JAG2: variants seen among roughly 807,000 people sequenced by gnomAD.
JAG2 encodes the protein jagged canonical Notch ligand 2, also known as protein jagged-2.
A neutral mutation model predicts 141.7 loss-of-function variants in JAG2; 46 were observed. The observed-to-expected ratio is 0.32, with a 90% CI of 0.26 to 0.42. The LOEUF is 0.42. JAG2 is among the 10% of genes least tolerant of loss of function. The probability of loss-of-function intolerance (pLI) is 1.00; values close to 1 mark genes in which losing one functional copy is unlikely to be tolerated. For missense variants in JAG2, 1,500 were observed against 1,817.5 expected (o/e 0.83, Z 3.18); for synonymous variants, 862 against 763.5 (o/e 1.13, Z -2.13).
In JAG2 at chr14:105,152,161, C is replaced by T; in HGVS notation, c.919G>A (p.Asp307Asn). Residue 307 changes from aspartate to asparagine, a missense_variant and splice_region_variant, in exon 6 of 26, where the codon GAC (aspartate) becomes AAC (asparagine). This residue lies in a region of JAG2 where 875 missense variants were observed against 1,202.2 expected (regional missense o/e 0.73). Coordinates refer to ENST00000331782, the MANE Select transcript of JAG2 (RefSeq NM_002226.5). ...TAGGCCTGCCGCCCCCTACCACTAC[C>T]TTTGTCACAGAGCAGGCCGCCCCAG... The part of the protein sequence containing the change: ...TNWGGLLCDK[D>N]LNYCGSHHPC... The T allele has an allele frequency of 1.2e-6, 2 of 1,613,772 alleles. No homozygotes were observed. The highest frequency in any genetic ancestry group is 1.7e-6 in the Non-Finnish European group (2 of 1,180,014).
At position 105,146,295 on chromosome 14, in the gene JAG2, C is replaced by T. The variant is rs1888220653; in HGVS notation, c.2709+90G>A. On this transcript the variant is annotated intron_variant, in intron 22 of 25. Coordinates refer to ENST00000331782, the MANE Select transcript of JAG2 (RefSeq NM_002226.5). ...CAGACGGCTCTCAGTCCATCCGGAC[C>T]CCAGCACCCGCCTCCTGATCTCACA... 3.4e-6 allele frequency: 4 copies of T among 1,188,430 alleles called. No individual in the cohort carries two copies. In the African/African-American group the frequency reaches 4.5e-5, roughly 13 times the overall value. The allele number at this position is 1,188,430 out of a possible 1,614,324, so 73.6% of individuals were successfully genotyped here. A position where few individuals can be genotyped will look rare whatever the true frequency, so the allele number is the denominator to read the frequency against.
intron 2 of JAG2, among the ~76,000 whole-genome samples, chr14:105,158,254 G>C (rs1045915120): frequency 6.6e-6 from 1 of 152,128 alleles, no homozygotes; most frequent in African/African-American, 2.4e-5. Flanking sequence ...CCAAGTGCAC[G>C]GGGTGGCCAA....
Position 105,152,061 on chromosome 14 carries a change from G to A in JAG2, c.920-4C>T. The A allele has an allele frequency of 6.2e-7, 1 of 1,613,230 alleles. No individual in the cohort carries two copies. The highest frequency in any genetic ancestry group is 8.5e-7 in the Non-Finnish European group (1 of 1,179,940). ...TGGCTGCCACAGTAGTTCAGGTCTG[G>A]GGGCAGGGGTGGGATGCTCAGGGGA... On this transcript the variant is annotated splice_polypyrimidine_tract_variant and splice_region_variant and intron_variant, in intron 6 of 25. Transcript: ENST00000331782.
At chr14:105,157,048 A>G (rs587655473) in intron 3 of JAG2, among the ~76,000 whole-genome samples, 1 of 151,930 alleles carries the variant, frequency 6.6e-6, no homozygotes, top group South Asian at 2.1e-4. Flanking sequence ...TCACCCCCAG[A>G]CTGCCCCTGG....
In JAG2 at chr14:105,167,804, C is replaced by G. The variant is rs895046261; in HGVS notation, c.370G>C (p.Asp124His). The change falls in exon 2 of 26, where the codon GAC becomes CAC. Residue 124 changes from aspartate (D) to histidine (H), a missense_variant. Coordinates refer to ENST00000331782, the MANE Select transcript of JAG2 (RefSeq NM_002226.5). This position sits in a 1 kb window ranked among gnomAD's most constrained non-coding sequence, Gnocchi z 4.8. Reference sequence around the variant, plus strand: ...ATGACGACGAGGCCCGGGTCCTGGTCGCCGCCGGCCCGGGCCCGCGCCCGC... The same window carrying G: ...ATGACGACGAGGCCCGGGTCCTGGTGGCCGCCGGCCCGGGCCCGCGCCCGC... ...RARARARAGG[D>H]QDPGLVVIPF... 7 of 1,464,188 alleles carry G rather than the reference C, an allele frequency of 4.8e-6. No homozygotes were observed. In the African/African-American group the frequency reaches 1.0e-4, roughly 22 times the overall value. 90.7% of individuals were successfully genotyped at this position (1,464,188 alleles called of 1,614,324 possible). A position where few individuals can be genotyped will look rare whatever the true frequency, so the allele number is the denominator to read the frequency against.
rs976907227 is a variant in JAG2, at chr14:105,154,593, C to G, written c.788+969G>C. ...CCCCGGACACTCCCTTGTGGAGGCC[C>G]TTGCTGACTCCTCATCCATCCGCCC... On this transcript the variant is annotated intron_variant, in intron 5 of 25. Transcript: ENST00000331782. This position sits in a 1 kb window ranked among gnomAD's most constrained non-coding sequence, Gnocchi z 4.4. Among the ~76,000 whole-genome samples the G allele has an allele frequency of 2.0e-5, 3 of 152,164 alleles. No homozygotes were observed. Among genetic ancestry groups the G allele is most frequent in the Non-Finnish European group, 4.4e-5 (3 of 68,014 alleles).
intron 2 of JAG2, among the ~76,000 whole-genome samples, chr14:105,158,086 G>A (rs1328935469): frequency 2.0e-5 from 3 of 152,226 alleles, no homozygotes; most frequent in Non-Finnish European, 4.4e-5. Context: ...CGACCGGGGG[G>A]AGAGGTGGGC....
At position 105,145,759 on chromosome 14, in the gene JAG2, A is replaced by G; in HGVS notation, c.2924T>C (p.Leu975Ser). The G allele has an allele frequency of 6.3e-7, 1 of 1,597,206 alleles. No individual in the cohort carries two copies. The highest frequency in any genetic ancestry group is 8.5e-7 in the Non-Finnish European group (1 of 1,172,534). Residue 975 changes from leucine (L) to serine (S), a missense_variant, in exon 23 of 26, where the codon TTG (leucine) becomes TCG (serine). Around this residue, in one of 3 missense-constraint regions of JAG2, gnomAD observed 425 missense variants for 441.0 expected, o/e 0.96. Coordinates refer to ENST00000331782, the MANE Select transcript of JAG2 (RefSeq NM_002226.5). ...HLDNNCARLT[L>S]HFNRDHVPQG... ...GGGCACGTGGTCACGGTTGAAATGCAAGGTGAGGCGGGCACAGTTATTGTC... is the reference window on the plus strand; with the variant it reads ...GGGCACGTGGTCACGGTTGAAATGCGAGGTGAGGCGGGCACAGTTATTGTC...
chr14:105,148,676 A>G, intron 15 of JAG2, 69 bp downstream of exon 15: 1 of 1,350,784 alleles, frequency 7.4e-7, no homozygotes, highest in Non-Finnish European at 1.0e-6. Context: ...ACAGCGGTCC[A>G]TCTCAGGGTG....
intron 25 of JAG2, 88 bp from the exon 26 acceptor site, chr14:105,143,258 C>T (rs587749789): frequency 4.6e-5 from 67 of 1,452,592 alleles, no homozygotes; most frequent in Non-Finnish European, 6.0e-5. Context: ...GAGGGCCCTG[C>T]GGGCCAGGCG....
chr14:105,167,765 C>T lies in JAG2; in HGVS notation c.409G>A (p.Ala137Thr). Residue 137 changes from alanine (A) to threonine (T), a missense_variant, in exon 2 of 26, where the codon GCC becomes ACC. Coordinates refer to ENST00000331782, the MANE Select transcript of JAG2 (RefSeq NM_002226.5). This position sits in a 1 kb window ranked among gnomAD's most constrained non-coding sequence, Gnocchi z 4.8. Reference protein sequence around the residue: ...PGLVVIPFQFAWPRSFTLIVE... With the variant: ...PGLVVIPFQFTWPRSFTLIVE... ...GGATGGAGCGCACGTACCGGCCAGG[C>T]GAACTGGAAGGGGATGACGACGAGG... 6.9e-7 allele frequency: 1 copy of T among 1,459,142 alleles called. No individual in the cohort carries two copies. The highest frequency in any genetic ancestry group is 9.0e-7 in the Non-Finnish European group (1 of 1,107,610). The allele number at this position is 1,459,142 out of a possible 1,614,324, so 90.4% of individuals were successfully genotyped here.
At chr14:105,156,183 G>A (rs1005697388) in intron 3 of JAG2, among the ~76,000 whole-genome samples, 194 bp from the exon 4 acceptor site, 6 of 126,680 alleles carry the variant, frequency 4.7e-5, no homozygotes, top group African/African-American at 8.7e-5. Context: ...TCTCCCTCCC[G>A]CCACCAAGCC....
Position 105,142,386 on chromosome 14 carries a change from G to C in JAG2, c.*309C>G, listed in dbSNP as rs975489292. 8.3e-6 allele frequency: 3 copies of C among 360,014 alleles called. No individual in the cohort carries two copies. The highest frequency in any genetic ancestry group is 2.2e-5 in the African/African-American group (1 of 46,284). 22.3% of individuals were successfully genotyped at this position (360,014 alleles called of 1,614,324 possible). A position where few individuals can be genotyped will look rare whatever the true frequency, so the allele number is the denominator to read the frequency against. On this transcript the variant is annotated 3_prime_UTR_variant, in exon 26 of 26. Transcript: ENST00000331782. ...TTCTGTAAACAGTGCACAACCTCTG[G>C]TAACAAACGCTACGATTTGGTGACG...
At chr14:105,151,155 C>G in intron 9 of JAG2, 51 bp from the exon 10 acceptor site, 2 of 1,547,264 alleles carry the variant, frequency 1.3e-6, no homozygotes, top group South Asian at 2.3e-5. Context: ...TGCCTGCCCC[C>G]TGCAGCACGG....
In JAG2 at chr14:105,147,358, G is replaced by A. The variant is rs776494612; in HGVS notation, c.2447C>T (p.Ala816Val). ...GCAGTCAGGCCCCGCGAAGCCAGGT[G>A]CACACTCGCAGCGGAACCAGTTGAC... ...DGVNWFRCEC[A>V]PGFAGPDCRI... The change falls in exon 20 of 26, where the codon GCA becomes GTA. Residue 816 changes from alanine to valine, a missense_variant. Coordinates refer to ENST00000331782, the MANE Select transcript of JAG2 (RefSeq NM_002226.5). 3.6e-5 allele frequency: 57 copies of A among 1,580,068 alleles called. No individual in the cohort carries two copies. The highest frequency in any genetic ancestry group is 4.5e-5 in the Non-Finnish European group (52 of 1,163,586).
chr14:105,148,682 GGGTGATA>G, intron 15 of JAG2, 56 bp downstream of exon 15: 3 of 1,384,204 alleles, frequency 2.2e-6, no homozygotes, highest in Non-Finnish European at 3.0e-6. Flanking sequence ...GTCCATCTCA[GGGTGATA>G]AGGGGCCCAC....
In JAG2 at chr14:105,151,204, AGCAGCCCCC is replaced by A. The variant is rs71403263; in HGVS notation, c.1267+70_1267+78del. ...GCAGCCCAGCAGCCCCAGCAGCCCC[AGCAGCCCCC>A]GCAGCCCCAGCAGCCCCCGCAGCCC... On this transcript the variant is annotated intron_variant, in intron 9 of 25. Transcript: ENST00000331782. 2.2e-3 allele frequency: 1,561 copies of A among 715,910 alleles called. 8 individuals are homozygous for A. In the African/African-American group the frequency reaches 0.042, roughly 19 times the overall value. 44.3% of individuals were successfully genotyped at this position (715,910 alleles called of 1,614,324 possible).
intron 7 of JAG2, 21 bp downstream of exon 7, chr14:105,151,917 G>C (rs761197838): frequency 6.2e-7 from 1 of 1,612,512 alleles, no homozygotes; most frequent in Non-Finnish European, 8.5e-7. Context: ...CCAGAATTTG[G>C]GTGGCCAGCC....
chr14:105,152,907 C>G (rs1379228839), intron 5 of JAG2, among the ~76,000 whole-genome samples: 1 of 152,190 alleles, frequency 6.6e-6, no homozygotes, highest in Admixed American at 6.5e-5. Context: ...GCTGCACCCC[C>G]CAGGACACAA....
Sources: gnomAD v4.1 joint callset for allele counts (sites outside exome capture counted in the v4.1 genomes callset) on GRCh38, gnomAD v4.1.1 for gene constraint, gnomAD v4.1.1 regional missense constraint, Gnocchi (gnomAD v3.1) non-coding constraint, MANE v1.5 for transcripts, NCBI Gene and HGNC (gene_info 2026-07-23, HGNC 2026-07-21) for gene names.